Variants in PTPN13 observed in about 807,000 individuals in gnomAD.
PTPN13 encodes the protein protein tyrosine phosphatase non-receptor type 13, also known as tyrosine-protein phosphatase non-receptor type 13.
A neutral mutation model predicts 284.0 loss-of-function variants in PTPN13; 191 were observed. That is an observed-to-expected ratio of 0.67 (90% CI 0.60 to 0.76). The LOEUF is 0.76. PTPN13 is among the 30% of genes least tolerant of loss of function. PTPN13 has a pLI of 0.00. For missense variants in PTPN13, 2,797 were observed against 2,939.9 expected, an observed-to-expected ratio of 0.95 and a Z score of 1.12; for synonymous variants, 986 against 1,022.3, an observed-to-expected ratio of 0.96 and a Z score of 0.68.
intron 2 of PTPN13, among the ~76,000 whole-genome samples, chr4:86,651,765 G>C (rs1389027840): frequency 2.6e-5 from 4 of 151,984 alleles, no homozygotes; most frequent in Non-Finnish European, 4.4e-5. Context: ...AATTTATTGG[G>C]ATATTGTTTC....
At chr4:86,801,817 A>G (rs28710769) in intron 42 of PTPN13, among the ~76,000 whole-genome samples, 14,453 of 152,258 alleles carry the variant, frequency 0.095, 797 homozygotes, top group Non-Finnish European at 0.11. Flanking sequence ...AGAAAAACTA[A>G]GCTAAGAAAT....
intron 14 of PTPN13, among the ~76,000 whole-genome samples, chr4:86,735,308 A>C (rs147527082): frequency 6.6e-6 from 1 of 152,330 alleles, no homozygotes; most frequent in East Asian, 1.9e-4. Flanking sequence ...AGGGGCTAGA[A>C]GCTGTGCTGC....
intron 1 of PTPN13, among the ~76,000 whole-genome samples, chr4:86,630,940 AGGTCATGTCAGT>A (rs1722401425): frequency 6.6e-6 from 1 of 152,158 alleles, no homozygotes. Flanking sequence ...AGCAGTTTTA[AGGTCATGTCAGT>A]AATACCTGTG....
At chr4:86,599,161 T>C (rs1007317384) in intron 1 of PTPN13, among the ~76,000 whole-genome samples, 3 of 152,194 alleles carry the variant, frequency 2.0e-5, no homozygotes, top group African/African-American at 7.2e-5. Flanking sequence ...TAGAAACTCC[T>C]TAAGAAACCA....
Position 86,724,439 on chromosome 4 carries a change from C to T in PTPN13, c.1608+2005C>T, listed in dbSNP as rs138157360. 1.4e-3 allele frequency among the ~76,000 whole-genome samples: 213 copies of T among 152,282 alleles called. 2 individuals are homozygous for T. The highest frequency in any genetic ancestry group is 4.9e-3 in the African/African-American group (202 of 41,544). ...CATTCACAATTCATAAATTATAGAT[C>T]GTACCTTTATAGCATGCCACTGTGA... On this transcript the variant is annotated intron_variant, in intron 10 of 47. Transcript: ENST00000411767.
chr4:86,786,698 G>A (rs1279375646), intron 40 of PTPN13, among the ~76,000 whole-genome samples: 1 of 152,092 alleles, frequency 6.6e-6, no homozygotes, highest in Non-Finnish European at 1.5e-5. Flanking sequence ...TTTAAGTCAT[G>A]ACTTTATCAC....
At chr4:86,659,354 C>A (rs1317125969) in intron 2 of PTPN13, among the ~76,000 whole-genome samples, 1 of 151,886 alleles carries the variant, frequency 6.6e-6, no homozygotes, top group Non-Finnish European at 1.5e-5. Flanking sequence ...TAAATTTTAT[C>A]AAAAATATTT....
chr4:86,601,485 TA>T (rs1251031444), intron 1 of PTPN13, among the ~76,000 whole-genome samples: 1 of 152,120 alleles, frequency 6.6e-6, no homozygotes, highest in Non-Finnish European at 1.5e-5. Context: ...AAATTTAGAA[TA>T]TATTATTCTC....
chr4:86,687,904 T>C (rs1180985614), intron 4 of PTPN13, among the ~76,000 whole-genome samples: 1 of 152,084 alleles, frequency 6.6e-6, no homozygotes, highest in African/African-American at 2.4e-5. Flanking sequence ...AATCAGGATA[T>C]TTTGGAAATA....
At chr4:86,614,848 C>T (rs1381906904) in intron 1 of PTPN13, among the ~76,000 whole-genome samples, 3 of 151,942 alleles carry the variant, frequency 2.0e-5, no homozygotes, top group Non-Finnish European at 2.9e-5. Flanking sequence ...AACCTCAGAC[C>T]TAAAAATTAT....
At chr4:86,748,993 G>A (rs1433894338) in intron 17 of PTPN13, among the ~76,000 whole-genome samples, 1 of 152,122 alleles carries the variant, frequency 6.6e-6, no homozygotes, top group African/African-American at 2.4e-5. Context: ...ATTTTTAAAA[G>A]TCTTTGTTTT....
chr4:86,773,948 G>A (rs963617110), intron 32 of PTPN13, among the ~76,000 whole-genome samples: 23 of 151,832 alleles, frequency 1.5e-4, no homozygotes, highest in Admixed American at 1.4e-3. Context: ...AAGCTTTGTT[G>A]TGGCTCTTTG....
chr4:86,741,220 A>G (rs1024160415), intron 15 of PTPN13, among the ~76,000 whole-genome samples: 1 of 152,056 alleles, frequency 6.6e-6, no homozygotes, highest in African/African-American at 2.4e-5. Context: ...GTACCAATCT[A>G]CTGTATTAGT....
intron 7 of PTPN13, among the ~76,000 whole-genome samples, chr4:86,705,057 T>C (rs1484191594): frequency 5.3e-5 from 8 of 152,220 alleles, no homozygotes; most frequent in African/African-American, 7.2e-5. Flanking sequence ...CAAACAAGGC[T>C]GGGCGCGGTG....
intron 9 of PTPN13, 93 bp downstream of exon 9, chr4:86,717,210 A>G (rs754665726): frequency 1.3e-4 from 101 of 801,318 alleles, no homozygotes; most frequent in Middle Eastern, 7.0e-4. Context: ...TTTTTTTGAG[A>G]CGGAGTCTTG....
At chr4:86,798,874 A>C (rs1184973800) in intron 41 of PTPN13, among the ~76,000 whole-genome samples, 1 of 152,240 alleles carries the variant, frequency 6.6e-6, no homozygotes, top group African/African-American at 2.4e-5. Flanking sequence ...CCTTCAGTTT[A>C]AAGTTCAAAA....
chr4:86,751,692 C>T (rs935406593), intron 19 of PTPN13, among the ~76,000 whole-genome samples: 2 of 152,046 alleles, frequency 1.3e-5, no homozygotes, highest in African/African-American at 4.8e-5. Context: ...TTTGGATTAC[C>T]TTTTTTGGCT....
intron 1 of PTPN13, among the ~76,000 whole-genome samples, chr4:86,606,309 C>T (rs1178649630): frequency 6.6e-6 from 1 of 151,792 alleles, no homozygotes; most frequent in Non-Finnish European, 1.5e-5. Context: ...CTACACTATA[C>T]ACTTAGAAAA....
At chr4:86,656,222 G>T (rs1305487216) in intron 2 of PTPN13, among the ~76,000 whole-genome samples, 1 of 152,160 alleles carries the variant, frequency 6.6e-6, no homozygotes, top group Non-Finnish European at 1.5e-5. Flanking sequence ...TTGATCATCT[G>T]AAGCCTTCTT....
Sources: gnomAD v4.1 joint callset for allele counts (sites outside exome capture counted in the v4.1 genomes callset) on GRCh38, gnomAD v4.1.1 for gene constraint, MANE v1.5 for transcripts, NCBI Gene and HGNC (gene_info 2026-07-23, HGNC 2026-07-21) for gene names.